MYRIP: variants seen among roughly 807,000 people sequenced by gnomAD.
MYRIP encodes the protein myosin VIIA and Rab interacting protein.
A neutral mutation model predicts 98.0 loss-of-function variants in MYRIP; 49 were observed. The ratio of observed to expected loss-of-function variants is 0.50; its 90% CI spans 0.40 to 0.63. The LOEUF (loss-of-function observed/expected upper bound fraction) is 0.63, where lower values mean the gene tolerates loss of function less well. MYRIP is among the 30% of genes least tolerant of loss of function. MYRIP has a pLI of 0.00. For missense variants in MYRIP, 1,004 were observed against 1,058.2 expected (o/e 0.95, Z 0.71); for synonymous variants, 404 against 409.5 (o/e 0.99, Z 0.16).
At chr3:39,992,156 A>G (rs1946194895) in intron 2 of MYRIP, among the ~76,000 whole-genome samples, 1 of 152,164 alleles carries the variant, frequency 6.6e-6, no homozygotes, top group African/African-American at 2.4e-5. Context: ...CACAAGTAGG[A>G]GTTTGTCATT....
intron 12 of MYRIP, among the ~76,000 whole-genome samples, chr3:40,236,444 C>T (rs1952826610): frequency 2.0e-5 from 3 of 152,158 alleles, no homozygotes; most frequent in Admixed American, 2.0e-4. Flanking sequence ...TGGGTGTTGA[C>T]TGATGACTTT....
At chr3:40,110,801 A>G (rs1039250091) in intron 3 of MYRIP, among the ~76,000 whole-genome samples, 4 of 151,594 alleles carry the variant, frequency 2.6e-5, no homozygotes, top group Non-Finnish European at 5.9e-5. Context: ...TCCCTATTCT[A>G]TTCTCAACTT....
intron 1 of MYRIP, among the ~76,000 whole-genome samples, chr3:39,841,788 C>T (rs537333141): frequency 6.6e-6 from 1 of 152,222 alleles, no homozygotes; most frequent in Non-Finnish European, 1.5e-5. Flanking sequence ...CCAGCAGAGG[C>T]TGCAGAACAG....
In MYRIP at chr3:40,163,572, G is replaced by A. The variant is rs1056310591; in HGVS notation, c.550+762G>A. 2.6e-5 allele frequency among the ~76,000 whole-genome samples: 4 copies of A among 152,104 alleles called. No homozygotes were observed. In the East Asian group the frequency reaches 5.8e-4, roughly 22 times the overall value. On this transcript the variant is annotated intron_variant, in intron 5 of 16. Coordinates refer to ENST00000302541, the MANE Select transcript of MYRIP (RefSeq NM_015460.4). The stretch of plus-strand genomic sequence containing the variant: ...AGATAGAACAAAAAGGCAGAGGAAG[G>A]GTGAATTCACTCTCCCTCTTCTGGA...
chr3:39,834,032 A>G (rs1247830043), intron 1 of MYRIP, among the ~76,000 whole-genome samples: 1 of 152,216 alleles, frequency 6.6e-6, no homozygotes, highest in Non-Finnish European at 1.5e-5. Flanking sequence ...TCTGTCTTGA[A>G]AAGAAAAACT....
At chr3:40,036,955 C>G (rs981626056) in intron 2 of MYRIP, among the ~76,000 whole-genome samples, 5 of 151,912 alleles carry the variant, frequency 3.3e-5, no homozygotes, top group African/African-American at 1.2e-4. Flanking sequence ...TATATTAAAG[C>G]TAACCACTAA....
intron 3 of MYRIP, among the ~76,000 whole-genome samples, chr3:40,137,929 T>C (rs925910033): frequency 2.6e-5 from 4 of 152,220 alleles, no homozygotes; most frequent in African/African-American, 7.2e-5. Context: ...TATGAGCTCT[T>C]GCAGGACAGA....
intron 2 of MYRIP, among the ~76,000 whole-genome samples, chr3:40,011,513 A>T (rs1946759313): frequency 6.6e-6 from 1 of 152,184 alleles, no homozygotes; most frequent in Non-Finnish European, 1.5e-5. Flanking sequence ...CATCATAGCC[A>T]TTCTTTGAGC....
At chr3:39,911,676 A>C (rs549373029) in intron 2 of MYRIP, among the ~76,000 whole-genome samples, 1 of 152,338 alleles carries the variant, frequency 6.6e-6, no homozygotes, top group South Asian at 2.1e-4. Flanking sequence ...GTAATTCAGG[A>C]ATGTACAAAA....
rs1285163240 is a variant in MYRIP, at chr3:40,209,840, T to G, written c.1666-14T>G. 3 of 1,613,746 alleles carry G rather than the reference T, an allele frequency of 1.9e-6. No homozygotes were observed. Among genetic ancestry groups the G allele is most frequent in the Admixed American group, 1.7e-5 (1 of 59,974 alleles). On this transcript the variant is annotated splice_polypyrimidine_tract_variant and intron_variant, in intron 10 of 16. Coordinates refer to ENST00000302541, the MANE Select transcript of MYRIP (RefSeq NM_015460.4). ...CAGAGGGCTCCTCATCTCATGATTC[T>G]GGCTTTCATTTAGGTGTCGGATGAT...
intron 3 of MYRIP, among the ~76,000 whole-genome samples, chr3:40,148,895 C>G (rs1010819795): frequency 6.6e-6 from 1 of 152,148 alleles, no homozygotes; most frequent in African/African-American, 2.4e-5. Context: ...CCCAATAGAC[C>G]TCTCTTTTGA....
intron 9 of MYRIP, among the ~76,000 whole-genome samples, chr3:40,189,184 GTT>G (rs1369340746): frequency 6.6e-6 from 1 of 152,192 alleles, no homozygotes; most frequent in Non-Finnish European, 1.5e-5. Context: ...ACCTTTAACA[GTT>G]ACTTAACTTC....
chr3:40,244,836 C>T (rs1953138781), intron 13 of MYRIP, among the ~76,000 whole-genome samples: 1 of 152,168 alleles, frequency 6.6e-6, no homozygotes, highest in Admixed American at 6.5e-5. Flanking sequence ...CCCTTTAAAC[C>T]TTATACCAGT....
chr3:39,873,079 T>C (rs1157665778), intron 1 of MYRIP, among the ~76,000 whole-genome samples: 1 of 152,236 alleles, frequency 6.6e-6, no homozygotes, highest in Non-Finnish European at 1.5e-5. Context: ...TGCATTTCTC[T>C]GATGGCCAGT....
intron 8 of MYRIP, among the ~76,000 whole-genome samples, chr3:40,175,167 T>C (rs1950724118): frequency 6.6e-6 from 1 of 152,142 alleles, no homozygotes; most frequent in African/African-American, 2.4e-5. Flanking sequence ...ATAAATGTTA[T>C]TGGGATGGAG....
At chr3:39,954,080 G>A (rs140053825) in intron 2 of MYRIP, among the ~76,000 whole-genome samples, 1 of 152,224 alleles carries the variant, frequency 6.6e-6, no homozygotes, top group Non-Finnish European at 1.5e-5. Flanking sequence ...TCCACCTCTG[G>A]GGCAGGGCAT....
intron 4 of MYRIP, among the ~76,000 whole-genome samples, chr3:40,155,939 G>T (rs1285245392): frequency 1.3e-5 from 2 of 151,890 alleles, no homozygotes; most frequent in Non-Finnish European, 2.9e-5. Context: ...CCATTTTGTA[G>T]GTTGCCTGTT....
At chr3:40,192,028 G>A (rs1457540182) in intron 10 of MYRIP, among the ~76,000 whole-genome samples, 1 of 151,852 alleles carries the variant, frequency 6.6e-6, no homozygotes, top group African/African-American at 2.4e-5. Flanking sequence ...GTGACCTTGA[G>A]CTAGTGGCAG....
intron 1 of MYRIP, among the ~76,000 whole-genome samples, chr3:39,871,985 A>G (rs1942804200): frequency 6.6e-6 from 1 of 152,080 alleles, no homozygotes; most frequent in South Asian, 2.1e-4. Context: ...GTCACACACC[A>G]TAGATGCTTG....
Sources: gnomAD v4.1 joint callset for allele counts (sites outside exome capture counted in the v4.1 genomes callset) on GRCh38, gnomAD v4.1.1 for gene constraint, MANE v1.5 for transcripts, NCBI Gene and HGNC (gene_info 2026-07-23, HGNC 2026-07-21) for gene names.